Variants in WDR27 observed in about 807,000 individuals in gnomAD.
WDR27 encodes the protein WD repeat-containing protein 27.
A neutral mutation model predicts 114.4 loss-of-function variants in WDR27; 100 were observed. That is an observed-to-expected ratio of 0.87 (90% CI 0.74 to 1.03). The LOEUF (loss-of-function observed/expected upper bound fraction) is 1.03. WDR27 is among the 50% of genes least tolerant of loss of function. The pLI, the probability that WDR27 is intolerant of heterozygous loss-of-function variation, is 0.00. For synonymous variants in WDR27, 449 were observed against 423.1 expected (o/e 1.06, Z -0.75); for missense variants, 1,129 against 1,092.9 (o/e 1.03, Z -0.47).
intron 23 of WDR27, among the ~76,000 whole-genome samples, chr6:169,594,925 C>A (rs896453347): frequency 5.9e-5 from 9 of 152,162 alleles, no homozygotes; most frequent in Non-Finnish European, 1.2e-4. Flanking sequence ...CCTATAATCC[C>A]AGCACTTTGG....
Position 169,602,284 on chromosome 6 carries a change from A to G in WDR27, c.2359T>C (p.Tyr787His), listed in dbSNP as rs1338345308. ...RHFEGHPTRG[Y>H]PCGIAFSPCG... Reference sequence around the variant, plus strand: ...GGACTGAAAGCGATTCCACATGGATAGCCGCGGGTTGGATGCCCTTCAAAG... The same window carrying G: ...GGACTGAAAGCGATTCCACATGGATGGCCGCGGGTTGGATGCCCTTCAAAG... The change falls in exon 23 of 26, where the codon TAT becomes CAT. Residue 787 changes from tyrosine (Y) to histidine (H), a missense_variant. Physicochemically the swap from Tyr to His is moderately conservative, Grantham distance 83 (BLOSUM62 2). Transcript: ENST00000448612. 2 of 1,565,932 alleles carry G rather than the reference A, an allele frequency of 1.3e-6. No individual in the cohort carries two copies. Among genetic ancestry groups the G allele is most frequent in the Non-Finnish European group, 1.7e-6 (2 of 1,153,944 alleles).
intron 25 of WDR27, among the ~76,000 whole-genome samples, chr6:169,483,248 G>GT (rs1473287285): frequency 6.6e-6 from 1 of 152,112 alleles, no homozygotes; most frequent in Non-Finnish European, 1.5e-5. Flanking sequence ...CCAGAAGTTG[G>GT]TTTTTTGAAA....
chr6:169,679,860 A>G lies in WDR27; in HGVS notation c.190-7464T>C, dbSNP rs1456632675. ...GAATGAGAAATATGAAGAAAAATACACCAAAACATAGCATGATCAAATTGT... is the reference window on the plus strand; with the variant it reads ...GAATGAGAAATATGAAGAAAAATACGCCAAAACATAGCATGATCAAATTGT... On this transcript the variant is annotated intron_variant, in intron 2 of 25. Coordinates refer to ENST00000448612, the MANE Select transcript of WDR27 (RefSeq NM_182552.5). Among the ~76,000 whole-genome samples the G allele has an allele frequency of 2.0e-5, 3 of 152,234 alleles. No individual in the cohort carries two copies. In the East Asian group the frequency reaches 5.8e-4, roughly 29 times the overall value.
At chr6:169,489,896 C>G (rs2115429126) in intron 25 of WDR27, among the ~76,000 whole-genome samples, 1 of 152,312 alleles carries the variant, frequency 6.6e-6, no homozygotes, top group South Asian at 2.1e-4. Context: ...TTGTGGTAGT[C>G]TTTCTGGCTT....
At chr6:169,525,155 ATAGG>A (rs1234485885) in intron 25 of WDR27, among the ~76,000 whole-genome samples, 3 of 152,236 alleles carry the variant, frequency 2.0e-5, no homozygotes, top group African/African-American at 7.2e-5. Context: ...CAAGTAGCTA[ATAGG>A]TATATGAAAA....
intron 25 of WDR27, among the ~76,000 whole-genome samples, chr6:169,459,813 A>G (rs1330206369): frequency 6.6e-6 from 1 of 152,100 alleles, no homozygotes; most frequent in African/African-American, 2.4e-5. Context: ...TAAAACTCAA[A>G]CAAAAAAACC....
At chr6:169,638,732 G>A (rs1818362005) in intron 17 of WDR27, 72 bp from the exon 18 acceptor site, 2 of 1,518,342 alleles carry the variant, frequency 1.3e-6, no homozygotes, top group Non-Finnish European at 8.9e-7. Flanking sequence ...CTACTTATCT[G>A]GTACTTTCAT....
At chr6:169,613,502 G>C in intron 22 of WDR27, 57 bp downstream of exon 22, 1 of 1,349,666 alleles carries the variant, frequency 7.4e-7, no homozygotes, top group Non-Finnish European at 1.1e-6. Flanking sequence ...AGATCAGATT[G>C]AGCTTATATC....
chr6:169,668,247 A>C lies in WDR27; in HGVS notation c.457-62T>G, dbSNP rs557727189. The C allele has an allele frequency of 1.9e-5, 30 of 1,553,606 alleles. No individual in the cohort carries two copies. In the East Asian group the frequency reaches 5.9e-4, roughly 30 times the overall value. ...GCTGGAATTCTCTGTATATAAACCA[A>C]GGGTGAAAAGTCAGGTGTCTGAGCT... On this transcript the variant is annotated intron_variant, in intron 4 of 25. Coordinates refer to ENST00000448612, the MANE Select transcript of WDR27 (RefSeq NM_182552.5).
At position 169,643,637 on chromosome 6, in the gene WDR27, C is replaced by T. The variant is rs1295775984; in HGVS notation, c.1747+60G>A. 5 of 1,430,812 alleles carry T rather than the reference C, an allele frequency of 3.5e-6. No individual in the cohort carries two copies. In the Admixed American group the frequency reaches 7.7e-5, roughly 22 times the overall value. The allele number at this position is 1,430,812 out of a possible 1,614,324, so 88.6% of individuals were successfully genotyped here. ...AAAGTGTCCTTTAGCAACTGATAACCAGGACCTAAGTGAGACCCATCCTTA... is the reference window on the plus strand; with the variant it reads ...AAAGTGTCCTTTAGCAACTGATAACTAGGACCTAAGTGAGACCCATCCTTA... On this transcript the variant is annotated intron_variant, in intron 17 of 25. Transcript: ENST00000448612.
At chr6:169,514,757 A>ATAT (rs1793413207) in intron 25 of WDR27, among the ~76,000 whole-genome samples, 4 of 143,546 alleles carry the variant, frequency 2.8e-5, no homozygotes. Flanking sequence ...AAAAAAAGAG[A>ATAT]ATATATATAT....
At chr6:169,667,902 G>C in intron 5 of WDR27, 80 bp downstream of exon 5, 4 of 1,370,588 alleles carry the variant, frequency 2.9e-6, no homozygotes, top group Non-Finnish European at 3.9e-6. Context: ...TGGCCGTGAA[G>C]CAACCGCACA....
In WDR27 at chr6:169,688,898, A is replaced by G; in HGVS notation, c.108T>C (p.Leu36=). 6.2e-7 allele frequency: 1 copy of G among 1,614,022 alleles called. No individual in the cohort carries two copies. The highest frequency in any genetic ancestry group is 1.7e-5 in the Admixed American group (1 of 60,022). ...AAGCACAGTCCTGCATGCTGCAAGCAAGCTGAACATGAGACACAGACTCCT... is the reference window on the plus strand; with the variant it reads ...AAGCACAGTCCTGCATGCTGCAAGCGAGCTGAACATGAGACACAGACTCCT... ...ESKESVSHVQ[L]ACSMQDCAFP... Residue 36 remains leucine (L), a synonymous_variant, in exon 2 of 26, where the codon CTT becomes CTC. Coordinates refer to ENST00000448612, the MANE Select transcript of WDR27 (RefSeq NM_182552.5).
At chr6:169,688,480 A>C (rs951203346) in intron 2 of WDR27, among the ~76,000 whole-genome samples, 4 of 151,932 alleles carry the variant, frequency 2.6e-5, no homozygotes, top group African/African-American at 9.7e-5. Context: ...TTTTTTTTCT[A>C]AGTAGTTTAT....
intron 25 of WDR27, among the ~76,000 whole-genome samples, chr6:169,505,090 T>C (rs1299188567): frequency 6.6e-6 from 1 of 152,210 alleles, no homozygotes; most frequent in Non-Finnish European, 1.5e-5. Context: ...TAATAAGTGA[T>C]ATGCAGTATT....
rs192661523 is a variant in WDR27, at chr6:169,672,385, T to G, written c.201A>C (p.Leu67=). ...TKDPSHQLLI[L]RGHHQPITAM... Reference sequence around the variant, plus strand: ...CAGTAATTGGCTGATGGTGTCCTCGTAGGATTAGAAGCTGGGAAAATTAAC... The same window carrying G: ...CAGTAATTGGCTGATGGTGTCCTCGGAGGATTAGAAGCTGGGAAAATTAAC... Residue 67 remains leucine, a synonymous_variant, in exon 3 of 26, where the codon CTA becomes CTC. Coordinates refer to ENST00000448612, the MANE Select transcript of WDR27 (RefSeq NM_182552.5). 6.2e-7 allele frequency: 1 copy of G among 1,603,888 alleles called. No individual in the cohort carries two copies. The highest frequency in any genetic ancestry group is 1.1e-5 in the South Asian group (1 of 89,120).
At chr6:169,499,234 C>A (rs780115894) in intron 25 of WDR27, among the ~76,000 whole-genome samples, 1 of 152,186 alleles carries the variant, frequency 6.6e-6, no homozygotes, top group Non-Finnish European at 1.5e-5. Flanking sequence ...TATGTTCTCC[C>A]GGAGCCCAGC....
chr6:169,548,493 G>A lies in WDR27; in HGVS notation c.2645+23926C>T, dbSNP rs887321530. 2.0e-5 allele frequency among the ~76,000 whole-genome samples: 3 copies of A among 152,140 alleles called. No individual in the cohort carries two copies. The South Asian group carries it at 6.2e-4, about 32-fold the overall frequency. On this transcript the variant is annotated intron_variant, in intron 25 of 25. Coordinates refer to ENST00000448612, the MANE Select transcript of WDR27 (RefSeq NM_182552.5). ...TACCCTGATTTGATCATTATAAAGT[G>A]TATACATGTATTGAAACATCACACT...
At chr6:169,676,397 T>A (rs747088019) in intron 2 of WDR27, among the ~76,000 whole-genome samples, 1 of 152,204 alleles carries the variant, frequency 6.6e-6, no homozygotes, top group Non-Finnish European at 1.5e-5. Context: ...TAACATCACA[T>A]GACAGATAAA....
Sources: gnomAD v4.1 joint callset for allele counts (sites outside exome capture counted in the v4.1 genomes callset) on GRCh38, gnomAD v4.1.1 for gene constraint, MANE v1.5 for transcripts, NCBI Gene and HGNC (gene_info 2026-07-23, HGNC 2026-07-21) for gene names.